The following NXPE2 variants were observed in gnomAD, a reference collection of about 807,000 sequenced individuals.
NXPE2 encodes the protein NXPE family member 2.
A neutral mutation model predicts 34.4 loss-of-function variants in NXPE2; 34 were observed. The ratio of observed to expected loss-of-function variants is 0.99; its 90% confidence interval spans 0.75 to 1.31. NXPE2 has a LOEUF of 1.31. NXPE2 is among the 40% of genes most tolerant of loss of function. The probability of loss-of-function intolerance (pLI) is 0.00; values close to 1 mark genes in which losing one functional copy is unlikely to be tolerated. For missense variants in NXPE2, 649 were observed against 672.5 expected, an observed-to-expected ratio of 0.97 and a Z score of 0.39; for synonymous variants, 235 against 231.3, an observed-to-expected ratio of 1.02 and a Z score of -0.15.
In NXPE2 at chr11:114,696,230, T is replaced by G. The variant is rs560333711; in HGVS notation, c.133-1815T>G. On this transcript the variant is annotated intron_variant, in intron 2 of 5. Coordinates refer to ENST00000389586, the MANE Select transcript of NXPE2 (RefSeq NM_182495.6). Reference sequence around the variant, plus strand: ...GCTCACACTACCTAGGTAGCTGAGGTGGGAGGATTACCTAAGCCTGGAGCC... The same window carrying G: ...GCTCACACTACCTAGGTAGCTGAGGGGGGAGGATTACCTAAGCCTGGAGCC... Among the ~76,000 whole-genome samples, 32 of 145,448 alleles carry G rather than the reference T, an allele frequency of 2.2e-4. 1 individual carries two copies. In the South Asian group the frequency reaches 6.3e-3, roughly 28 times the overall value.
At chr11:114,629,040 A>T in the NXPE2 span, among the ~76,000 whole-genome samples, 1 of 152,130 alleles carries the variant, frequency 6.6e-6, no homozygotes, top group South Asian at 2.1e-4. Context: ...ATAGCTTACC[A>T]ATGAAAAAGA....
At chr11:114,580,364 T>G in the NXPE2 span, 1 of 1,600,790 alleles carries the variant, frequency 6.2e-7, no homozygotes, top group Non-Finnish European at 8.6e-7. Flanking sequence ...TGAGATAGGA[T>G]CTTCCAAAAC....
chr11:114,792,745 TTA>T, the NXPE2 span, among the ~76,000 whole-genome samples: 1 of 113,244 alleles, frequency 8.8e-6, no homozygotes, highest in East Asian at 2.2e-4. Flanking sequence ...GCAAATCCTC[TTA>T]TATCAATTAT....
chr11:114,579,425 C>A, the NXPE2 span, among the ~76,000 whole-genome samples: 2 of 152,100 alleles, frequency 1.3e-5, no homozygotes, highest in East Asian at 3.9e-4. Flanking sequence ...GTGAGAAACA[C>A]CAGGCAGGGA....
chr11:114,518,952 A>G, the NXPE2 span, among the ~76,000 whole-genome samples: 1 of 152,206 alleles, frequency 6.6e-6, no homozygotes, highest in Non-Finnish European at 1.5e-5. Flanking sequence ...CCTATTTAGC[A>G]TATCAACAAA....
chr11:114,806,958 A>T, the NXPE2 span, among the ~76,000 whole-genome samples: 1 of 152,162 alleles, frequency 6.6e-6, no homozygotes. Context: ...CGGGTTACCC[A>T]CAAAGGGAAG....
the NXPE2 span, among the ~76,000 whole-genome samples, chr11:114,612,307 G>T: frequency 6.7e-6 from 1 of 150,320 alleles, no homozygotes; most frequent in Non-Finnish European, 1.5e-5. Flanking sequence ...GTATTGCCTC[G>T]CAGGTAACCA....
chr11:114,625,295 A>T, the NXPE2 span, among the ~76,000 whole-genome samples: 4 of 149,576 alleles, frequency 2.7e-5, no homozygotes, highest in African/African-American at 9.9e-5. Flanking sequence ...GCGTAACCAC[A>T]GTTACCCAGT....
At chr11:114,501,808 G>T in the NXPE2 span, among the ~76,000 whole-genome samples, 2 of 152,152 alleles carry the variant, frequency 1.3e-5, no homozygotes, top group African/African-American at 4.8e-5. Context: ...ACATTAGAAT[G>T]AATGCTGGTA....
the NXPE2 span, among the ~76,000 whole-genome samples, chr11:114,634,180 T>C: frequency 7.3e-5 from 11 of 151,724 alleles, no homozygotes; most frequent in African/African-American, 1.2e-4. Context: ...TGGTATCTCA[T>C]TGTGGTTTTG....
intron 3 of NXPE2, among the ~76,000 whole-genome samples, chr11:114,703,223 G>A (rs1198425234): frequency 6.6e-6 from 1 of 152,142 alleles, no homozygotes; most frequent in Non-Finnish European, 1.5e-5. Flanking sequence ...TACCAGTTAG[G>A]GAGCTTTTTC....
the NXPE2 span, among the ~76,000 whole-genome samples, chr11:114,588,456 C>G: frequency 6.6e-6 from 1 of 152,080 alleles, no homozygotes; most frequent in Non-Finnish European, 1.5e-5. Flanking sequence ...TAAGCCAAAC[C>G]CTAACTGCAG....
chr11:114,716,028 G>A, the NXPE2 span, among the ~76,000 whole-genome samples: 2 of 152,226 alleles, frequency 1.3e-5, no homozygotes, highest in Admixed American at 6.5e-5. Flanking sequence ...TTGGCACCTG[G>A]CAATACGACC....
At chr11:114,722,969 GAAAA>G in the NXPE2 span, among the ~76,000 whole-genome samples, 1 of 151,962 alleles carries the variant, frequency 6.6e-6, no homozygotes, top group Non-Finnish European at 1.5e-5. Flanking sequence ...AAAATGTTGA[GAAAA>G]AAGGAACTTG....
At chr11:114,787,037 T>C in the NXPE2 span, among the ~76,000 whole-genome samples, 118,910 of 152,124 alleles carry the variant, frequency 0.78, 49,814 homozygotes, top group East Asian at 0.96. Flanking sequence ...CCCAGGCTAA[T>C]GTCCTGCTGC....
At chr11:114,613,354 G>T in the NXPE2 span, among the ~76,000 whole-genome samples, 1 of 151,700 alleles carries the variant, frequency 6.6e-6, no homozygotes, top group Admixed American at 6.6e-5. Flanking sequence ...ACTGCCTCGT[G>T]GATAACCACG....
chr11:114,503,670 C>T, the NXPE2 span, among the ~76,000 whole-genome samples: 19 of 152,000 alleles, frequency 1.3e-4, no homozygotes, highest in African/African-American at 4.1e-4. Flanking sequence ...CCAAGAGATA[C>T]GATATTGAAG....
chr11:114,755,357 A>G, the NXPE2 span, among the ~76,000 whole-genome samples: 2 of 152,100 alleles, frequency 1.3e-5, no homozygotes, highest in South Asian at 4.1e-4. Flanking sequence ...CCTTCCACTG[A>G]TATTTTTTCT....
At chr11:114,594,472 A>G in the NXPE2 span, among the ~76,000 whole-genome samples, 20 of 152,210 alleles carry the variant, frequency 1.3e-4, no homozygotes, top group African/African-American at 4.8e-4. Context: ...AAGAATGTGT[A>G]TGTGTGAACA....
Sources: gnomAD v4.1 joint callset for allele counts (sites outside exome capture counted in the v4.1 genomes callset) on GRCh38, gnomAD v4.1.1 for gene constraint, MANE v1.5 for transcripts, NCBI Gene and HGNC (gene_info 2026-07-23, HGNC 2026-07-21) for gene names.